Variants in DCC observed in about 807,000 individuals in gnomAD.
DCC encodes netrin receptor DCC.
DCC carries 58 observed loss-of-function variants against 172.5 expected under a neutral mutation model. That is an observed-to-expected ratio of 0.34 (90% CI 0.27 to 0.42). The LOEUF (loss-of-function observed/expected upper bound fraction) is 0.42, where lower values mean the gene tolerates loss of function less well. DCC is among the 10% of genes least tolerant of loss of function. The pLI, the probability that DCC is intolerant of heterozygous loss-of-function variation, is 1.00. For missense variants in DCC, 1,740 were observed against 1,791.0 expected (o/e 0.97, Z 0.51); for synonymous variants, 709 against 644.5 (o/e 1.10, Z -1.52).
At chr18:53,260,625 C>T (rs2056584377) in intron 12 of DCC, among the ~76,000 whole-genome samples, 1 of 152,108 alleles carries the variant, frequency 6.6e-6, no homozygotes, top group Admixed American at 6.6e-5. Context: ...TGGGGGGTGC[C>T]TCCCAGTTAG....
At chr18:52,904,026 A>G (rs938102051) in intron 2 of DCC, among the ~76,000 whole-genome samples, 2 of 152,244 alleles carry the variant, frequency 1.3e-5, no homozygotes, top group Non-Finnish European at 2.9e-5. Context: ...TTCTAACTGA[A>G]AAAGAATAAA....
chr18:52,926,372 C>G (rs1467688204), intron 5 of DCC, among the ~76,000 whole-genome samples: 1 of 151,720 alleles, frequency 6.6e-6, no homozygotes, highest in Non-Finnish European at 1.5e-5. Context: ...GTTCTTTGAT[C>G]AAATCATAAA....
At chr18:53,453,454 A>G (rs1183519876) in intron 23 of DCC, among the ~76,000 whole-genome samples, 1 of 151,430 alleles carries the variant, frequency 6.6e-6, no homozygotes, top group Non-Finnish European at 1.5e-5. Context: ...TCTAGAGAAT[A>G]TAAATTTTTC....
intron 2 of DCC, among the ~76,000 whole-genome samples, chr18:52,860,012 T>A (rs2039115119): frequency 6.6e-6 from 1 of 152,236 alleles, no homozygotes; most frequent in Admixed American, 6.5e-5. Flanking sequence ...AGAGAGTAGA[T>A]CAGCTACAGC....
intron 2 of DCC, among the ~76,000 whole-genome samples, chr18:52,883,946 T>C (rs1370570378): frequency 6.6e-6 from 1 of 151,678 alleles, no homozygotes; most frequent in African/African-American, 2.4e-5. Flanking sequence ...TTTCTCCTTC[T>C]TGCTTGAAAT....
intron 1 of DCC, among the ~76,000 whole-genome samples, chr18:52,466,019 A>T (rs186824515): frequency 1.3e-5 from 2 of 152,296 alleles, no homozygotes; most frequent in Admixed American, 1.3e-4. Context: ...AAATTAGTTC[A>T]ATGCTGGTTG....
chr18:52,751,971 G>A (rs1429584018), intron 1 of DCC, 83 bp from the exon 2 acceptor site: 1 of 1,204,646 alleles, frequency 8.3e-7, no homozygotes, highest in African/African-American at 1.5e-5. Flanking sequence ...TTTGTGAAAA[G>A]CTTTGTAAAG....
chr18:53,075,140 T>C (rs1031222985), intron 7 of DCC, among the ~76,000 whole-genome samples: 2 of 152,208 alleles, frequency 1.3e-5, no homozygotes, highest in African/African-American at 4.8e-5. Flanking sequence ...TTAATGACAA[T>C]GTCCATTCAA....
At chr18:53,170,494 G>A (rs1235163775) in intron 8 of DCC, among the ~76,000 whole-genome samples, 1 of 152,156 alleles carries the variant, frequency 6.6e-6, no homozygotes, top group Non-Finnish European at 1.5e-5. Context: ...TTTTCTATGT[G>A]ATTATATCTC....
intron 27 of DCC, chr18:53,505,370 A>C (rs2046159235): frequency 6.6e-6 from 1 of 152,258 alleles, no homozygotes; most frequent in South Asian, 2.1e-4. Context: ...GAAGTATATA[A>C]GAGTTTAAGG....
chr18:53,198,540 G>A (rs547100633), intron 9 of DCC, among the ~76,000 whole-genome samples: 5 of 151,500 alleles, frequency 3.3e-5, no homozygotes, highest in East Asian at 3.9e-4. Flanking sequence ...TTAAAGATTC[G>A]GCTAACTTTT....
intron 12 of DCC, among the ~76,000 whole-genome samples, chr18:53,295,807 A>T (rs981383621): frequency 1.3e-5 from 2 of 152,102 alleles, no homozygotes; most frequent in African/African-American, 4.8e-5. Flanking sequence ...ATTATTATCT[A>T]CCGTGTTGCC....
intron 2 of DCC, among the ~76,000 whole-genome samples, chr18:52,802,861 T>TA (rs2038019123): frequency 6.6e-6 from 1 of 151,668 alleles, no homozygotes; most frequent in South Asian, 2.1e-4. Flanking sequence ...TGCTAATAAC[T>TA]AGCATAAACA....
chr18:52,873,637 A>G (rs2039357469), intron 2 of DCC, among the ~76,000 whole-genome samples: 1 of 152,226 alleles, frequency 6.6e-6, no homozygotes, highest in South Asian at 2.1e-4. Flanking sequence ...GGGTAAATAG[A>G]TCAGTCAACA....
chr18:53,063,279 T>A lies in DCC; in HGVS notation c.986-26T>A, dbSNP rs537257367. 8.1e-6 allele frequency: 13 copies of A among 1,612,018 alleles called. No individual in the cohort carries two copies. The African/African-American group carries it at 1.7e-4, about 22-fold the overall frequency. On this transcript the variant is annotated intron_variant, in intron 5 of 28. Coordinates refer to ENST00000442544, the MANE Select transcript of DCC (RefSeq NM_005215.4). ...CAAGTTCACATCCCCACCCACTCAC[T>A]CACTTTTTTTTTTCTGTCTTTGCAG...
At chr18:52,454,570 A>G (rs1988403019) in intron 1 of DCC, among the ~76,000 whole-genome samples, 1 of 152,138 alleles carries the variant, frequency 6.6e-6, no homozygotes, top group Admixed American at 6.5e-5. Context: ...GTCACTAAAC[A>G]GTTCATCAGC....
chr18:52,925,100 A>C, intron 4 of DCC, 134 bp from the exon 5 acceptor site: 1 of 878,526 alleles, frequency 1.1e-6, no homozygotes, highest in South Asian at 1.4e-5. Flanking sequence ...TGAGACTTTA[A>C]TCAAGCCCTT....
intron 5 of DCC, among the ~76,000 whole-genome samples, chr18:52,946,438 A>G (rs1434041332): frequency 5.3e-5 from 8 of 152,124 alleles, no homozygotes; most frequent in African/African-American, 1.7e-4. Flanking sequence ...TGTCTAACAC[A>G]CTACCTAAAA....
chr18:52,850,366 T>C (rs1027651954), intron 2 of DCC, among the ~76,000 whole-genome samples: 1 of 152,188 alleles, frequency 6.6e-6, no homozygotes, highest in Non-Finnish European at 1.5e-5. Flanking sequence ...CAGAAATATA[T>C]GCATTGAAGT....
Sources: gnomAD v4.1 joint callset for allele counts (sites outside exome capture counted in the v4.1 genomes callset) on GRCh38, gnomAD v4.1.1 for gene constraint, MANE v1.5 for transcripts, NCBI Gene and HGNC (gene_info 2026-07-23, HGNC 2026-07-21) for gene names.